LOC400499: variants seen among roughly 807,000 people sequenced by gnomAD.
the LOC400499 span, chr16:11,412,752 G>C: frequency 2.5e-6 from 1 of 397,428 alleles, no homozygotes; most frequent in Admixed American, 4.4e-5. Context: ...GCAGAGAATT[G>C]AGAGGTGCTG....
the LOC400499 span, among the ~76,000 whole-genome samples, chr16:11,384,623 G>A: frequency 2.0e-5 from 3 of 152,196 alleles, no homozygotes; most frequent in Admixed American, 6.5e-5. Context: ...TTGGCAGAGG[G>A]ACGACAGAAG....
At chr16:11,439,888 C>G in the LOC400499 span, among the ~76,000 whole-genome samples, 12,578 of 151,818 alleles carry the variant, frequency 0.083, 823 homozygotes, top group African/African-American at 0.18. Flanking sequence ...GACCTTGAAC[C>G]AGGCACTGTG....
chr16:11,377,654 T>C, the LOC400499 span, among the ~76,000 whole-genome samples: 1 of 152,248 alleles, frequency 6.6e-6, no homozygotes, highest in Admixed American at 6.5e-5. Flanking sequence ...GGAATAAATC[T>C]CACTTGATCA....
chr16:11,487,925 C>A, the LOC400499 span, among the ~76,000 whole-genome samples: 2 of 151,982 alleles, frequency 1.3e-5, no homozygotes, highest in South Asian at 2.1e-4. Context: ...AGGAGCCTGG[C>A]CAGCATGGTG....
the LOC400499 span, among the ~76,000 whole-genome samples, chr16:11,379,021 T>C: frequency 3.3e-5 from 5 of 152,180 alleles, no homozygotes; most frequent in Non-Finnish European, 7.4e-5. Flanking sequence ...CCCAGCACTT[T>C]AGGAGGCCAA....
At chr16:11,397,868 C>T in the LOC400499 span, among the ~76,000 whole-genome samples, 2 of 150,448 alleles carry the variant, frequency 1.3e-5, no homozygotes, top group African/African-American at 4.9e-5. Context: ...AGAGAGGGTA[C>T]ATGGGAGGGC....
At chr16:11,373,826 G>C in the LOC400499 span, among the ~76,000 whole-genome samples, 3 of 151,918 alleles carry the variant, frequency 2.0e-5, no homozygotes, top group African/African-American at 4.8e-5. Context: ...CACCATGTTG[G>C]TCATGCTGGT....
At chr16:11,404,208 C>T in the LOC400499 span, among the ~76,000 whole-genome samples, 682 of 152,258 alleles carry the variant, frequency 4.5e-3, 2 homozygotes, top group African/African-American at 0.015. Context: ...CTTTCCCACT[C>T]GTGGAAATGG....
chr16:11,520,522 C>G, the LOC400499 span, among the ~76,000 whole-genome samples: 1 of 152,098 alleles, frequency 6.6e-6, no homozygotes, highest in African/African-American at 2.4e-5. Context: ...CCAGGCGTGG[C>G]GGAGCGCACC....
At chr16:11,519,862 C>T in the LOC400499 span, among the ~76,000 whole-genome samples, 15 of 152,152 alleles carry the variant, frequency 9.9e-5, no homozygotes, top group South Asian at 4.2e-4. Context: ...TGCACCACCA[C>T]GCCCACCTAA....
the LOC400499 span, among the ~76,000 whole-genome samples, chr16:11,452,891 T>C: frequency 1.7e-3 from 261 of 152,352 alleles, no homozygotes; most frequent in African/African-American, 6.1e-3. Flanking sequence ...AAGCTCTGGA[T>C]CTCCAGTTAC....
chr16:11,464,526 G>A, the LOC400499 span, among the ~76,000 whole-genome samples: 3 of 152,240 alleles, frequency 2.0e-5, no homozygotes, highest in Non-Finnish European at 4.4e-5. Flanking sequence ...AGGGGGCACT[G>A]AACAGAACAT....
At chr16:11,446,164 G>A in the LOC400499 span, among the ~76,000 whole-genome samples, 1 of 147,410 alleles carries the variant, frequency 6.8e-6, no homozygotes, top group South Asian at 2.2e-4. Flanking sequence ...GGGCGGGGGA[G>A]TGGTGTCTGA....
chr16:11,462,196 G>A, the LOC400499 span: 1 of 1,534,888 alleles, frequency 6.5e-7, no homozygotes, highest in Non-Finnish European at 8.7e-7. Context: ...GCCGTGTGAG[G>A]TTCCCGGTGA....
the LOC400499 span, among the ~76,000 whole-genome samples, chr16:11,395,124 TG>T: frequency 6.6e-6 from 1 of 152,126 alleles, no homozygotes; most frequent in South Asian, 2.1e-4. Flanking sequence ...CACACGGAGT[TG>T]GCCCTGGATG....
the LOC400499 span, chr16:11,462,270 C>A: frequency 6.6e-7 from 1 of 1,514,084 alleles, no homozygotes; most frequent in Non-Finnish European, 8.8e-7. Context: ...CGCTCAGCCT[C>A]GCCACCCATG....
At chr16:11,398,481 A>T in the LOC400499 span, 1 of 1,232,224 alleles carries the variant, frequency 8.1e-7, no homozygotes, top group Non-Finnish European at 1.0e-6. Flanking sequence ...CTCCATGATG[A>T]TCTTGTCTGG....
the LOC400499 span, chr16:11,475,558 G>C: frequency 7.5e-6 from 3 of 398,250 alleles, no homozygotes; most frequent in Non-Finnish European, 1.3e-5. Flanking sequence ...ATCTGGAGCT[G>C]GCATTTTTCC....
At chr16:11,419,054 T>C in the LOC400499 span, among the ~76,000 whole-genome samples, 1 of 152,120 alleles carries the variant, frequency 6.6e-6, no homozygotes, top group Non-Finnish European at 1.5e-5. Flanking sequence ...TAATCCCAGT[T>C]ACTCAGGAGG....
Sources: allele counts gnomAD v4.1 joint callset (sites outside exome capture counted in the v4.1 genomes callset), GRCh38; gene constraint gnomAD v4.1.1; transcripts MANE v1.5.